The following SMCO4 variants were observed in gnomAD, a reference collection of about 807,000 sequenced individuals.
The protein encoded by SMCO4 is single-pass membrane protein with coiled-coil domains 4, also known as single-pass membrane and coiled-coil domain-containing protein 4.
Under a neutral mutation model 3.6 loss-of-function variants are expected in SMCO4, and 4 were observed. That is an observed-to-expected ratio of 1.11 (90% CI 0.54 to 2.53). SMCO4 has a LOEUF of 2.53. Among genes scored for constraint, SMCO4 ranks in the 30% most tolerant of loss-of-function variants. SMCO4 has a pLI of 0.02. For missense variants in SMCO4, 70 were observed against 80.8 expected (o/e 0.87, Z 0.51); for synonymous variants, 36 against 35.3 (o/e 1.02, Z -0.07).
chr11:93,549,623 A>AT, the SMCO4 span, among the ~76,000 whole-genome samples: 49,903 of 90,182 alleles, frequency 0.55, 8,603 homozygotes, highest in Middle Eastern at 0.62. Context: ...TAATTTATTT[A>AT]TTTTTTTTTT....
intron 1 of SMCO4, among the ~76,000 whole-genome samples, chr11:93,539,883 T>C (rs1219264749): frequency 6.6e-6 from 1 of 151,754 alleles, no homozygotes; most frequent in African/African-American, 2.4e-5. Context: ...CCCTATACTA[T>C]AGGCTCTTCC....
chr11:93,534,328 A>G (rs911856071), intron 1 of SMCO4, among the ~76,000 whole-genome samples: 4 of 148,266 alleles, frequency 2.7e-5, no homozygotes, highest in African/African-American at 9.9e-5. Context: ...ATATACACAT[A>G]TACATATATA....
chr11:93,545,204 C>T (rs1591334967), upstream of SMCO4, among the ~76,000 whole-genome samples: 1 of 152,296 alleles, frequency 6.6e-6, no homozygotes, highest in East Asian at 1.9e-4. Context: ...ATGAGGCAAG[C>T]AGAGCCACTG....
At chr11:93,497,403 G>C (rs141055072) in intron 2 of SMCO4, among the ~76,000 whole-genome samples, 2,746 of 152,296 alleles carry the variant, frequency 0.018, 274 homozygotes, top group Admixed American at 0.17. Flanking sequence ...ATTCATGTAA[G>C]CTAATTAAAT....
the SMCO4 span, among the ~76,000 whole-genome samples, chr11:93,552,113 A>G: frequency 6.8e-6 from 1 of 146,040 alleles, no homozygotes; most frequent in Non-Finnish European, 1.5e-5. Flanking sequence ...TCCAAAAAGT[A>G]TGTTTTATAA....
At chr11:93,541,441 T>C (rs966757294) in intron 1 of SMCO4, among the ~76,000 whole-genome samples, 2 of 152,168 alleles carry the variant, frequency 1.3e-5, no homozygotes, top group Non-Finnish European at 2.9e-5. Context: ...GGCAGAAGCA[T>C]AGTTGTACAA....
At chr11:93,500,127 TA>T (rs1165034541) in intron 1 of SMCO4, among the ~76,000 whole-genome samples, 1 of 152,252 alleles carries the variant, frequency 6.6e-6, no homozygotes, top group Non-Finnish European at 1.5e-5. Context: ...TACGTAAAGA[TA>T]AATCTTGGTT....
intron 1 of SMCO4, among the ~76,000 whole-genome samples, chr11:93,534,987 T>C (rs370122924): frequency 6.6e-6 from 1 of 152,306 alleles, no homozygotes; most frequent in South Asian, 2.1e-4. Flanking sequence ...AAACATCTGC[T>C]TTACCACATT....
chr11:93,499,887 T>C (rs1258074459), intron 1 of SMCO4, among the ~76,000 whole-genome samples: 1 of 152,154 alleles, frequency 6.6e-6, no homozygotes, highest in Non-Finnish European at 1.5e-5. Context: ...GGAAGAGAGA[T>C]GTGTGACAGC....
chr11:93,522,916 C>T (rs1259209292), intron 1 of SMCO4, among the ~76,000 whole-genome samples: 2 of 152,324 alleles, frequency 1.3e-5, no homozygotes, highest in East Asian at 3.9e-4. Context: ...AACTCCAGTT[C>T]TATCTCCCCT....
At chr11:93,552,430 G>A in the SMCO4 span, among the ~76,000 whole-genome samples, 81 of 143,270 alleles carry the variant, frequency 5.7e-4, no homozygotes, top group Admixed American at 1.5e-3. Flanking sequence ...GTAGGCCACC[G>A]TGCCCAGCCA....
intron 1 of SMCO4, among the ~76,000 whole-genome samples, chr11:93,520,310 C>T (rs897141799): frequency 4.6e-5 from 7 of 152,176 alleles, no homozygotes; most frequent in Admixed American, 3.3e-4. Flanking sequence ...ATAATGATGA[C>T]GGTAACAACT....
intron 1 of SMCO4, among the ~76,000 whole-genome samples, chr11:93,537,020 A>C (rs1256892570): frequency 6.6e-6 from 1 of 152,254 alleles, no homozygotes; most frequent in African/African-American, 2.4e-5. Flanking sequence ...GCTCTGTGGA[A>C]GCTGCAAACC....
At chr11:93,484,228 C>T (rs11820614) in intron 2 of SMCO4, among the ~76,000 whole-genome samples, 40,497 of 152,094 alleles carry the variant, frequency 0.27, 5,899 homozygotes, top group Non-Finnish European at 0.34. Context: ...AGCAGGGACG[C>T]ATTCTTCAGC....
Position 93,478,743 on chromosome 11 carries a change from ACACACACACAT to A in SMCO4, c.*256_*266del. The A allele has an allele frequency of 4.0e-6, 3 of 759,368 alleles. No homozygotes were observed. The highest frequency in any genetic ancestry group is 3.6e-6 in the Non-Finnish European group (2 of 553,002). 47.0% of individuals were successfully genotyped at this position (759,368 alleles called of 1,614,324 possible). A position where few individuals can be genotyped will look rare whatever the true frequency, so the allele number is the denominator to read the frequency against. ...CACACACACACACACACACACACACACACACACACATGCGCGCGCGCTTTGAAGTCTGAAAG... is the reference window on the plus strand; with the variant it reads ...CACACACACACACACACACACACACAGCGCGCGCGCTTTGAAGTCTGAAAG... On this transcript the variant is annotated 3_prime_UTR_variant, in exon 3 of 3. Coordinates refer to ENST00000298966, the MANE Select transcript of SMCO4 (RefSeq NM_020179.3).
intron 1 of SMCO4, among the ~76,000 whole-genome samples, chr11:93,514,582 T>C (rs1006531466): frequency 1.3e-5 from 2 of 151,740 alleles, no homozygotes; most frequent in African/African-American, 4.8e-5. Flanking sequence ...CTTTTTTCCA[T>C]ACGTACATGA....
upstream of SMCO4, among the ~76,000 whole-genome samples, chr11:93,545,702 A>G (rs1949311769): frequency 6.6e-6 from 1 of 152,080 alleles, no homozygotes; most frequent in South Asian, 2.1e-4. Flanking sequence ...AAGTTTACAC[A>G]TTTTACACTA....
intron 1 of SMCO4, among the ~76,000 whole-genome samples, chr11:93,501,197 T>C (rs181827788): frequency 5.3e-5 from 8 of 152,318 alleles, no homozygotes; most frequent in Admixed American, 2.0e-4. Flanking sequence ...TGCTGGGTCA[T>C]GACCAGATAA....
intron 2 of SMCO4, among the ~76,000 whole-genome samples, chr11:93,486,705 G>A (rs954307719): frequency 6.6e-6 from 1 of 152,076 alleles, no homozygotes; most frequent in Non-Finnish European, 1.5e-5. Flanking sequence ...CTGTTGAAGG[G>A]GTGCCTGCCG....
Sources: gnomAD v4.1 joint callset for allele counts (sites outside exome capture counted in the v4.1 genomes callset) on GRCh38, gnomAD v4.1.1 for gene constraint, MANE v1.5 for transcripts, NCBI Gene and HGNC (gene_info 2026-07-23, HGNC 2026-07-21) for gene names.